The following MTA3 variants were observed in gnomAD, a reference collection of about 807,000 sequenced individuals.
The protein encoded by MTA3 is metastasis-associated protein MTA3.
MTA3 carries 34 observed loss-of-function variants against 83.5 expected under a neutral mutation model. That is an observed-to-expected ratio of 0.41 (90% CI 0.31 to 0.54). The LOEUF (loss-of-function observed/expected upper bound fraction) is 0.54. Ranked by LOEUF, MTA3 falls within the 20% of genes least tolerant of loss-of-function variation. The pLI is 0.33. For synonymous variants in MTA3, 303 were observed against 252.7 expected (o/e 1.20, Z -1.89); for missense variants, 761 against 726.4 (o/e 1.05, Z -0.55).
In MTA3 at chr2:42,541,065, C is replaced by T. The variant is rs538397916; in HGVS notation, c.-140-29372C>T. On this transcript the variant is annotated intron_variant, in intron 2 of 17. Transcript: ENST00000405592. ...TTTTTTTTTGAGATGGAGTTTTGCT[C>T]TTGTTGCCCAGGCTGGAGTGCAGTG... Among the ~76,000 whole-genome samples, 642 of 145,952 alleles carry T rather than the reference C, an allele frequency of 4.4e-3. 3 individuals are homozygous for T. Among genetic ancestry groups the T allele is most frequent in the Non-Finnish European group, 6.4e-3 (425 of 66,768 alleles).
At chr2:42,744,612 G>T (rs1047229064) in intron 16 of MTA3, among the ~76,000 whole-genome samples, 1 of 152,128 alleles carries the variant, frequency 6.6e-6, no homozygotes, top group Non-Finnish European at 1.5e-5. Context: ...TTGAGAGCTA[G>T]GTCTGAGAGC....
chr2:42,643,406 G>C (rs1687882566), intron 5 of MTA3, among the ~76,000 whole-genome samples: 1 of 152,118 alleles, frequency 6.6e-6, no homozygotes, highest in Admixed American at 6.5e-5. Context: ...CAAAGGACTG[G>C]TGCCAGGTCA....
intron 2 of MTA3, among the ~76,000 whole-genome samples, chr2:42,574,757 A>C (rs1056696647): frequency 6.6e-6 from 1 of 152,154 alleles, no homozygotes; most frequent in Non-Finnish European, 1.5e-5. Context: ...ACGTGGTCTT[A>C]CTGTGTTGCC....
At position 42,685,423 on chromosome 2, in the gene MTA3, C is replaced by T. The variant is rs1369256497; in HGVS notation, c.891+2834C>T. 2.0e-5 allele frequency among the ~76,000 whole-genome samples: 3 copies of T among 152,126 alleles called. No homozygotes were observed. In the South Asian group the frequency reaches 6.2e-4, roughly 32 times the overall value. ...TTGAAAGTCACACTTCAGAATGGGCCAGCTAAGGATACTGCCGTCCCTGCT... is the reference window on the plus strand; with the variant it reads ...TTGAAAGTCACACTTCAGAATGGGCTAGCTAAGGATACTGCCGTCCCTGCT... On this transcript the variant is annotated intron_variant, in intron 9 of 16. Transcript: ENST00000405094.
At chr2:42,515,737 G>A (rs972624642) in intron 2 of MTA3, among the ~76,000 whole-genome samples, 1 of 151,682 alleles carries the variant, frequency 6.6e-6, no homozygotes, top group African/African-American at 2.4e-5. Context: ...TCCCGACCTC[G>A]TGATTCGCCC....
At chr2:42,702,361 A>G (rs1306714227) in intron 11 of MTA3, 1 of 152,248 alleles carries the variant, frequency 6.6e-6, no homozygotes, top group Admixed American at 6.5e-5. Flanking sequence ...TTCTGGTAGC[A>G]GTGGTGGGAG....
chr2:42,598,725 C>A (rs957419747), intron 3 of MTA3, among the ~76,000 whole-genome samples: 1 of 152,160 alleles, frequency 6.6e-6, no homozygotes. Flanking sequence ...ACAAGGGACT[C>A]ATTAATACTT....
intron 3 of MTA3, among the ~76,000 whole-genome samples, chr2:42,608,670 C>T (rs542883304): frequency 9.9e-5 from 15 of 152,178 alleles, no homozygotes; most frequent in Non-Finnish European, 1.9e-4. Context: ...ATCACTTGAG[C>T]CCAGGAGTTC....
At chr2:42,524,480 T>TTTTTG (rs1478568148) in intron 2 of MTA3, among the ~76,000 whole-genome samples, 34 of 115,406 alleles carry the variant, frequency 2.9e-4, no homozygotes, top group Non-Finnish European at 5.1e-4. Flanking sequence ...GTGTTTTTTT[T>TTTTTG]TTTTTTTTTT....
Position 42,667,736 on chromosome 2 carries a change from G to C in MTA3, c.702+7874G>C, listed in dbSNP as rs565345083. Among the ~76,000 whole-genome samples, 7 of 152,034 alleles carry C rather than the reference G, an allele frequency of 4.6e-5. No homozygotes were observed. The South Asian group carries it at 1.2e-3, about 27-fold the overall frequency. On this transcript the variant is annotated intron_variant, in intron 8 of 16. Coordinates refer to ENST00000405094, the MANE Select transcript of MTA3 (RefSeq NM_001330442.2). ...TGCAGCCTCAAACTCCTGGGCTCAA[G>C]TGATCCTCCTACTTGAGCCTACCAA...
At chr2:42,707,319 C>G (rs763115486) in intron 12 of MTA3, among the ~76,000 whole-genome samples, 3 of 151,970 alleles carry the variant, frequency 2.0e-5, no homozygotes, top group Admixed American at 1.3e-4. Flanking sequence ...TCTCAGCTCA[C>G]TGTAACCTCT....
At chr2:42,723,127 AT>A in intron 16 of MTA3, 92 bp downstream of exon 16, 1 of 1,333,528 alleles carries the variant, frequency 7.5e-7, no homozygotes, top group South Asian at 1.4e-5. Context: ...TATTATAAGC[AT>A]GTTCTTGTAT....
At chr2:42,694,619 G>A (rs552637204) in intron 9 of MTA3, among the ~76,000 whole-genome samples, 56 of 151,968 alleles carry the variant, frequency 3.7e-4, no homozygotes, top group African/African-American at 1.3e-3. Flanking sequence ...GCACTGCAAG[G>A]CCTCTGCCAG....
At chr2:42,718,433 A>T (rs1411501792) in intron 14 of MTA3, among the ~76,000 whole-genome samples, 3 of 151,186 alleles carry the variant, frequency 2.0e-5, no homozygotes, top group African/African-American at 7.3e-5. Context: ...TTTAGTAGAG[A>T]TGGGGTTTCT....
chr2:42,619,667 T>C (rs1250949952), intron 4 of MTA3, among the ~76,000 whole-genome samples: 1 of 152,092 alleles, frequency 6.6e-6, no homozygotes. Context: ...GAGAAGTTGA[T>C]TCAAAAAAAG....
chr2:42,682,182 C>T (rs961401850), intron 8 of MTA3, among the ~76,000 whole-genome samples: 9 of 152,114 alleles, frequency 5.9e-5, no homozygotes, highest in Non-Finnish European at 8.8e-5. Flanking sequence ...GAGGGATACC[C>T]TGTGCTCCCC....
chr2:42,735,436 G>C (rs777063682), intron 16 of MTA3, among the ~76,000 whole-genome samples: 3 of 152,058 alleles, frequency 2.0e-5, no homozygotes, highest in Non-Finnish European at 4.4e-5. Context: ...TAAATGTCTT[G>C]AGGTAATCTT....
chr2:42,698,329 T>C (rs1693569064), intron 11 of MTA3: 1 of 152,178 alleles, frequency 6.6e-6, no homozygotes. Flanking sequence ...GTTCTATCAT[T>C]ATTATCCTTT....
rs187526903 is a variant in MTA3, at chr2:42,573,636, G to A, written c.96+3132G>A. On this transcript the variant is annotated intron_variant, in intron 2 of 16. Coordinates refer to ENST00000405094, the MANE Select transcript of MTA3 (RefSeq NM_001330442.2). ...AGCAATTCTTCTGCCTCAGCCTCCC[G>A]AATAGCTGGGATTACAGGCGCCCAA... Among the ~76,000 whole-genome samples, 748 of 152,090 alleles carry A rather than the reference G, an allele frequency of 4.9e-3. 6 individuals carry two copies. Among genetic ancestry groups the A allele is most frequent in the African/African-American group, 0.017 (716 of 41,480 alleles).
Sources: allele counts gnomAD v4.1 joint callset (sites outside exome capture counted in the v4.1 genomes callset), GRCh38; gene constraint gnomAD v4.1.1; transcripts MANE v1.5; gene names NCBI Gene and HGNC (gene_info 2026-07-23, HGNC 2026-07-21).